MAST2: variants seen among roughly 807,000 people sequenced by gnomAD.
MAST2 encodes microtubule-associated serine/threonine-protein kinase 2.
MAST2 carries 70 observed loss-of-function variants against 147.4 expected under a neutral mutation model. The observed-to-expected ratio is 0.47, with a 90% CI of 0.39 to 0.58. MAST2 has a LOEUF of 0.58. Ranked by LOEUF, MAST2 falls within the 20% of genes least tolerant of loss-of-function variation. The pLI is 0.00. For synonymous variants in MAST2, 869 were observed against 896.8 expected (o/e 0.97, Z 0.55); for missense variants, 2,080 against 2,302.3 (o/e 0.90, Z 1.98).
At chr1:45,831,782 T>C (rs868623196) in intron 3 of MAST2, among the ~76,000 whole-genome samples, 6,759 of 95,080 alleles carry the variant, frequency 0.071, 500 homozygotes, top group African/African-American at 0.19. Context: ...GTTTAATAGT[T>C]TTTTTTTTTT....
intron 4 of MAST2, among the ~76,000 whole-genome samples, chr1:45,887,692 C>T (rs1045997715): frequency 6.6e-6 from 1 of 152,138 alleles, no homozygotes; most frequent in Non-Finnish European, 1.5e-5. Flanking sequence ...AAAGAGATAC[C>T]ACCTGCTGCA....
At chr1:45,809,546 G>T (rs1002854023) in intron 1 of MAST2, among the ~76,000 whole-genome samples, 8 of 152,176 alleles carry the variant, frequency 5.3e-5, no homozygotes, top group African/African-American at 1.7e-4. Context: ...GGGAGGCTGA[G>T]GTGGGACCCC....
rs147166893 is a variant in MAST2 at position 45,902,720 on chromosome 1, T to C, written c.500+20325T>C. Among the ~76,000 whole-genome samples, 216 of 152,142 alleles carry C rather than the reference T, an allele frequency of 1.4e-3. 3 individuals carry two copies. Among genetic ancestry groups the C allele is most frequent in the South Asian group, 2.7e-3 (13 of 4,820 alleles). On this transcript the variant is annotated intron_variant, in intron 4 of 28. Transcript: ENST00000361297. ...CCTGGTTCATTCTTAAGAGTTTGTG[T>C]GTTTTGAGGAATTTATTCATGTCTT...
intron 4 of MAST2, among the ~76,000 whole-genome samples, chr1:45,918,505 C>G (rs1471464866): frequency 6.6e-6 from 1 of 152,222 alleles, no homozygotes; most frequent in African/African-American, 2.4e-5. Flanking sequence ...ATGGCACAAT[C>G]TCTCCTCACT....
chr1:45,814,805 G>A (rs1644404835), intron 1 of MAST2, among the ~76,000 whole-genome samples: 1 of 152,038 alleles, frequency 6.6e-6, no homozygotes, highest in East Asian at 1.9e-4. Context: ...AAAAGAAAAA[G>A]CTATCTTGAC....
chr1:46,006,525 C>T (rs1645493779), intron 8 of MAST2, 130 bp downstream of exon 8: 2 of 712,706 alleles, frequency 2.8e-6, no homozygotes, highest in Admixed American at 3.4e-5. Context: ...GGCCATATAT[C>T]TCTGTCACAT....
chr1:45,882,012 T>TAAAAAAA lies in MAST2; in HGVS notation c.469-328_469-322dup, dbSNP rs71062722. Among the ~76,000 whole-genome samples the TAAAAAAA allele has an allele frequency of 4.3e-4, 17 of 39,824 alleles. 1 individual carries two copies. The highest frequency in any genetic ancestry group is 5.5e-4 in the African/African-American group (7 of 12,780). 26.1% of individuals were successfully genotyped at this position (39,824 alleles called of 152,430 possible). A position where few individuals can be genotyped will look rare whatever the true frequency, so the allele number is the denominator to read the frequency against. ...TAACACGGTGAAACCCCGTCTCTAC[T>TAAAAAAA]AAAAAAAAAAAAAAAAAAAAAAAAA... On this transcript the variant is annotated intron_variant, in intron 3 of 28. Coordinates refer to ENST00000361297, the MANE Select transcript of MAST2 (RefSeq NM_015112.3).
At chr1:46,015,088 C>A (rs576488687) in intron 10 of MAST2, among the ~76,000 whole-genome samples, 1 of 151,150 alleles carries the variant, frequency 6.6e-6, no homozygotes, top group Non-Finnish European at 1.5e-5. Flanking sequence ...GGGTACATAA[C>A]GAAATGAAGG....
At position 45,826,925 on chromosome 1, in the gene MAST2, T is replaced by C. The variant is rs553248363; in HGVS notation, c.325+2345T>C. 2.6e-5 allele frequency among the ~76,000 whole-genome samples: 4 copies of C among 152,138 alleles called. No homozygotes were observed. The East Asian group carries it at 7.7e-4, about 29-fold the overall frequency. ...CTCACTGAAACCTCCGCCTTCCTGG[T>C]TCAAGCGATTCTCCTGCCTCAGCCT... On this transcript the variant is annotated intron_variant, in intron 2 of 28. Coordinates refer to ENST00000361297, the MANE Select transcript of MAST2 (RefSeq NM_015112.3).
chr1:45,922,650 G>A (rs749079310), intron 4 of MAST2, among the ~76,000 whole-genome samples: 6 of 152,196 alleles, frequency 3.9e-5, no homozygotes, highest in Non-Finnish European at 8.8e-5. Flanking sequence ...CTGAGCCTGC[G>A]AGGGGCAGGG....
chr1:45,919,259 G>C (rs978569262), intron 4 of MAST2, among the ~76,000 whole-genome samples: 29 of 152,174 alleles, frequency 1.9e-4, no homozygotes, highest in Admixed American at 4.6e-4. Flanking sequence ...ATTGATAGAG[G>C]AGGAAGAGAT....
intron 4 of MAST2, among the ~76,000 whole-genome samples, chr1:45,950,728 C>G (rs1444442443): frequency 1.3e-5 from 2 of 152,136 alleles, no homozygotes; most frequent in African/African-American, 4.8e-5. Flanking sequence ...TACAAACCAA[C>G]CAACCAATCT....
chr1:45,809,105 A>G (rs1644220152), intron 1 of MAST2, among the ~76,000 whole-genome samples: 1 of 152,214 alleles, frequency 6.6e-6, no homozygotes, highest in African/African-American at 2.4e-5. Context: ...AAACATAGAT[A>G]TTTGCTCAAT....
rs556586473 is a variant in MAST2, at chr1:45,964,221, C to T, written c.592+4744C>T. On this transcript the variant is annotated intron_variant, in intron 5 of 28. Coordinates refer to ENST00000361297, the MANE Select transcript of MAST2 (RefSeq NM_015112.3). ...GCCAGTCTTTTGTATCAGGATGATG[C>T]CGGCCTCATAAAATGAGTTAGGGAG... 6.6e-5 allele frequency among the ~76,000 whole-genome samples: 10 copies of T among 152,242 alleles called. No individual in the cohort carries two copies. In the South Asian group the frequency reaches 1.0e-3, roughly 16 times the overall value.
chr1:45,803,727 C>T lies in MAST2; in HGVS notation c.-169C>T, dbSNP rs1644056697. ...GAGGAGCGCAGAGGAGGTCGCGGCG[C>T]CGGAGGCCCCAGAAGGCTCGAAGGC... is the stretch of plus-strand genomic sequence containing the variant. On this transcript the variant is annotated 5_prime_UTR_variant, in exon 1 of 29. Coordinates refer to ENST00000361297, the MANE Select transcript of MAST2 (RefSeq NM_015112.3). 1.1e-5 allele frequency: 4 copies of T among 350,330 alleles called. No individual in the cohort carries two copies. The South Asian group carries it at 4.5e-4, about 39-fold the overall frequency. The allele number at this position is 350,330 out of a possible 1,614,324, so 21.7% of individuals were successfully genotyped here. A position where few individuals can be genotyped will look rare whatever the true frequency, so the allele number is the denominator to read the frequency against.
intron 3 of MAST2, among the ~76,000 whole-genome samples, chr1:45,845,539 A>G (rs1054681630): frequency 2.0e-5 from 3 of 152,218 alleles, no homozygotes; most frequent in African/African-American, 7.2e-5. Flanking sequence ...TGTATTTAAC[A>G]AGTTTTTTAG....
intron 16 of MAST2, among the ~76,000 whole-genome samples, chr1:46,027,445 A>G (rs1571268078): frequency 6.6e-6 from 1 of 152,298 alleles, no homozygotes; most frequent in South Asian, 2.1e-4. Flanking sequence ...CTGTTCCTCA[A>G]CTGAATGACT....
rs956177325 is a variant in MAST2, at chr1:45,865,857, G to A, written c.469-16507G>A. Among the ~76,000 whole-genome samples the A allele has an allele frequency of 2.0e-5, 3 of 152,238 alleles. No individual in the cohort carries two copies. In the East Asian group the frequency reaches 5.8e-4, roughly 29 times the overall value. ...CTCATCTTAGTCTTGTTAGCAAAGA[G>A]CAAGCCAGCTTCTAGTCTATCACTA... On this transcript the variant is annotated intron_variant, in intron 3 of 28. Transcript: ENST00000361297.
intron 5 of MAST2, among the ~76,000 whole-genome samples, chr1:45,969,984 T>C (rs918103157): frequency 1.3e-5 from 2 of 152,162 alleles, no homozygotes; most frequent in Admixed American, 1.3e-4. Context: ...ACACCATAGC[T>C]GGGACAGGAT....
Sources: allele counts gnomAD v4.1 joint callset (sites outside exome capture counted in the v4.1 genomes callset), GRCh38; gene constraint gnomAD v4.1.1; transcripts MANE v1.5; gene names NCBI Gene and HGNC (gene_info 2026-07-23, HGNC 2026-07-21).